RNPEP: variants seen among roughly 807,000 people sequenced by gnomAD.
RNPEP encodes the protein aminopeptidase B.
Under a neutral mutation model 70.1 loss-of-function variants are expected in RNPEP, and 57 were observed. The ratio of observed to expected loss-of-function variants is 0.81; its 90% CI spans 0.66 to 1.01. RNPEP has a LOEUF of 1.01. Among genes scored for constraint, RNPEP ranks in the 50% least tolerant of loss-of-function variants. The probability of loss-of-function intolerance (pLI) is 0.00; values close to 1 mark genes in which losing one functional copy is unlikely to be tolerated. For missense variants in RNPEP, 787 were observed against 852.4 expected (o/e 0.92, Z 0.96); for synonymous variants, 335 against 357.4 (o/e 0.94, Z 0.71).
intron 3 of RNPEP, among the ~76,000 whole-genome samples, chr1:201,991,382 G>C (rs1004825881): frequency 6.6e-6 from 1 of 152,156 alleles, no homozygotes; most frequent in Non-Finnish European, 1.5e-5. Flanking sequence ...CAAAGTGCTC[G>C]ATTACAGGCA....
chr1:202,005,110 GTCGCTGGCTTAT>G (rs2102986730), intron 10 of RNPEP, among the ~76,000 whole-genome samples: 1 of 152,354 alleles, frequency 6.6e-6, no homozygotes, highest in African/African-American at 2.4e-5. Context: ...AACTTGTGAT[GTCGCTGGCTTAT>G]ATTTGTGTGA....
intron 8 of RNPEP, among the ~76,000 whole-genome samples, chr1:202,002,475 T>C (rs903709499): frequency 2.0e-5 from 3 of 152,244 alleles, no homozygotes; most frequent in African/African-American, 4.8e-5. Flanking sequence ...AGTTTCTGCC[T>C]GGGAGGTACC....
chr1:201,986,389 C>T (rs1683132735), intron 1 of RNPEP, among the ~76,000 whole-genome samples: 1 of 152,046 alleles, frequency 6.6e-6, no homozygotes, highest in East Asian at 1.9e-4. Context: ...GCCACTGAGC[C>T]CAGCCAACCT....
chr1:201,997,610 C>A, intron 5 of RNPEP, 56 bp downstream of exon 5: 4 of 1,329,152 alleles, frequency 3.0e-6, no homozygotes, highest in Non-Finnish European at 3.2e-6. Flanking sequence ...ACCTGTGGGG[C>A]CAGTGTGATC....
intron 3 of RNPEP, among the ~76,000 whole-genome samples, chr1:201,993,061 T>C (rs1051565375): frequency 6.6e-6 from 1 of 152,250 alleles, no homozygotes; most frequent in African/African-American, 2.4e-5. Flanking sequence ...TCCTGTTTTA[T>C]TGAGAATATT....
chr1:201,986,731 G>C (rs1304265268), intron 1 of RNPEP, among the ~76,000 whole-genome samples: 3 of 151,592 alleles, frequency 2.0e-5, no homozygotes, highest in Non-Finnish European at 2.9e-5. Context: ...GTAGACACAG[G>C]GTTTCACTGT....
At chr1:201,999,136 G>A (rs1475446418) in intron 5 of RNPEP, among the ~76,000 whole-genome samples, 1 of 151,622 alleles carries the variant, frequency 6.6e-6, no homozygotes, top group Non-Finnish European at 1.5e-5. Flanking sequence ...AGAATTGCTT[G>A]AATCCAGGAG....
chr1:201,999,999 C>T lies in RNPEP; in HGVS notation c.1188C>T (p.Arg396=), dbSNP rs1342022744. ...TGEENPLNKL[R]VKIEPGVDPD... Reference sequence around the variant, plus strand: ...AGGAAAACCCACTCAACAAGCTCCGCGTGAAGATTGAACCAGGTCCAGGAG... The same window carrying T: ...AGGAAAACCCACTCAACAAGCTCCGTGTGAAGATTGAACCAGGTCCAGGAG... The change falls in exon 6 of 11, where the codon CGC becomes CGT. Residue 396 remains arginine, a synonymous_variant. Coordinates refer to ENST00000295640, the MANE Select transcript of RNPEP (RefSeq NM_020216.4). 3 of 1,613,328 alleles carry T rather than the reference C, an allele frequency of 1.9e-6. No individual in the cohort carries two copies. Among genetic ancestry groups the T allele is most frequent in the East Asian group, 2.2e-5 (1 of 44,872 alleles).
In RNPEP at chr1:202,005,703, C is replaced by G; in HGVS notation, c.1940C>G (p.Pro647Arg). The change falls in exon 11 of 11, where the codon CCC becomes CGC. Residue 647 changes from proline (P) to arginine (R), a missense_variant. By Grantham distance (103) the Pro-to-Arg change is moderately radical. Coordinates refer to ENST00000295640, the MANE Select transcript of RNPEP (RefSeq NM_020216.4). ...AACTATGTCCAGCAGATCGTGGCACCCAAGGGCAGTTAGAGGCTCGTGTGC... is the reference window on the plus strand; with the variant it reads ...AACTATGTCCAGCAGATCGTGGCACGCAAGGGCAGTTAGAGGCTCGTGTGC... ...VVNYVQQIVAPKGS is the reference protein window; with the variant it reads ...VVNYVQQIVARKGS 3.1e-6 allele frequency: 5 copies of G among 1,614,210 alleles called. No homozygotes were observed. In the East Asian group the frequency reaches 1.1e-4, roughly 36 times the overall value.
At chr1:201,997,287 G>A (rs764993244) in intron 4 of RNPEP, 32 bp from the exon 5 acceptor site, 3 of 1,571,484 alleles carry the variant, frequency 1.9e-6, no homozygotes, top group African/African-American at 1.4e-5. Context: ...GGGAAGCCAG[G>A]GCCTCTTGGT....
At chr1:201,999,045 C>T (rs1247676812) in intron 5 of RNPEP, among the ~76,000 whole-genome samples, 2 of 152,024 alleles carry the variant, frequency 1.3e-5, no homozygotes, top group African/African-American at 2.4e-5. Flanking sequence ...GTGAAACCCC[C>T]GTCTCTACTA....
At chr1:201,983,771 C>T (rs1455435684) in intron 1 of RNPEP, 12 of 1,097,120 alleles carry the variant, frequency 1.1e-5, no homozygotes, top group South Asian at 2.3e-5. Context: ...AATTTTTTTT[C>T]GGGACGGGGC....
At chr1:201,994,518 G>A (rs1683469634) in intron 3 of RNPEP, among the ~76,000 whole-genome samples, 1 of 152,064 alleles carries the variant, frequency 6.6e-6, no homozygotes, top group Non-Finnish European at 1.5e-5. Flanking sequence ...GTGTTCCATG[G>A]CTACGTCTTT....
Position 201,983,108 on chromosome 1 carries a change from C to T in RNPEP, c.442C>T (p.Pro148Ser), listed in dbSNP as rs1164996071. ...GCTCACCTACCGCGTCGGGGAGGGA[C>T]CCGGGGTGAGTGCGCCCCAGACTGC... Reference protein sequence around the residue: ...VLLTYRVGEGPGVCWLAPEQT... With the variant: ...VLLTYRVGEGSGVCWLAPEQT... Residue 148 changes from proline (P) to serine (S), a missense_variant, in exon 1 of 11, where the codon CCC becomes TCC. By Grantham distance (74) the Pro-to-Ser change is moderately conservative (BLOSUM62 -1). Coordinates refer to ENST00000295640, the MANE Select transcript of RNPEP (RefSeq NM_020216.4). The T allele has an allele frequency of 1.3e-6, 2 of 1,484,964 alleles. No individual in the cohort carries two copies. The highest frequency in any genetic ancestry group is 2.9e-5 in the African/African-American group (2 of 69,900). 92.0% of individuals were successfully genotyped at this position (1,484,964 alleles called of 1,614,324 possible).
chr1:201,985,190 C>G (rs12126567), intron 1 of RNPEP, among the ~76,000 whole-genome samples: 2 of 81,216 alleles, frequency 2.5e-5, no homozygotes, highest in South Asian at 1.0e-3. Context: ...GAGGCTCCAT[C>G]TAAAAAAAAA....
intron 3 of RNPEP, among the ~76,000 whole-genome samples, chr1:201,993,734 G>A (rs1028546518): frequency 6.6e-6 from 1 of 152,060 alleles, no homozygotes; most frequent in African/African-American, 2.4e-5. Context: ...AGCCGAGATC[G>A]CGCCACTGCA....
At chr1:202,003,582 C>G in intron 9 of RNPEP, 121 bp downstream of exon 9, 1 of 693,832 alleles carries the variant, frequency 1.4e-6, no homozygotes, top group East Asian at 2.7e-5. Context: ...ACTAGGGAGG[C>G]TGGCACTCCA....
rs1683229512 is a variant in RNPEP at position 201,988,997 on chromosome 1, T to G, written c.541T>G (p.Cys181Gly). The G allele has an allele frequency of 6.2e-7, 1 of 1,614,054 alleles. No individual in the cohort carries two copies. Among genetic ancestry groups the G allele is most frequent in the African/African-American group, 1.3e-5 (1 of 74,938 alleles). ...QAVLNRAFFP[C>G]FDTPAVKYKY... ...TGTCCTAAACCGGGCCTTCTTCCCT[T>G]GCTTCGACACGCCTGCTGTTAAATA... is the stretch of plus-strand genomic sequence containing the variant. Residue 181 changes from cysteine (C) to glycine (G), a missense_variant, in exon 2 of 11, where the codon TGC becomes GGC. Coordinates refer to ENST00000295640, the MANE Select transcript of RNPEP (RefSeq NM_020216.4).
At chr1:201,987,724 C>G (rs1443579616) in intron 1 of RNPEP, among the ~76,000 whole-genome samples, 1 of 151,826 alleles carries the variant, frequency 6.6e-6, no homozygotes, top group East Asian at 2.0e-4. Context: ...AGGCGTGAGC[C>G]ACTGCACCCA....
Sources: gnomAD v4.1 joint callset for allele counts (sites outside exome capture counted in the v4.1 genomes callset) on GRCh38, gnomAD v4.1.1 for gene constraint, MANE v1.5 for transcripts, NCBI Gene and HGNC (gene_info 2026-07-23, HGNC 2026-07-21) for gene names.